Variants in MAD1L1 observed in about 807,000 individuals in gnomAD.
MAD1L1 encodes mitotic arrest deficient 1 like 1.
In MAD1L1, 95 loss-of-function variants were observed where a neutral mutation model predicts 96.9. That is an observed-to-expected ratio of 0.98 (90% CI 0.83 to 1.16). MAD1L1 has a LOEUF of 1.16. Ranked by LOEUF, MAD1L1 falls within the 50% of genes most tolerant of loss-of-function variation. The pLI is 0.00. For missense variants in MAD1L1, 1,007 were observed against 954.4 expected (o/e 1.06, Z -0.73); for synonymous variants, 473 against 396.6 (o/e 1.19, Z -2.29).
Position 1,865,275 on chromosome 7 carries a change from A to G in MAD1L1, c.1998+32925T>C, listed in dbSNP as rs184346993. 6.5e-3 allele frequency among the ~76,000 whole-genome samples: 980 copies of G among 151,824 alleles called. 9 individuals carry two copies. Among genetic ancestry groups the G allele is most frequent in the African/African-American group, 0.022 (929 of 41,402 alleles). On this transcript the variant is annotated intron_variant, in intron 18 of 18. Transcript: ENST00000265854. ...ACAGTGGCTCCTCCTTGGGGAAAGA[A>G]GGGCCAGAGAGAAGCTCTTGGGGGT... is the stretch of plus-strand genomic sequence containing the variant.
At chr7:2,028,516 T>G (rs574190925) in intron 12 of MAD1L1, among the ~76,000 whole-genome samples, 4 of 152,142 alleles carry the variant, frequency 2.6e-5, no homozygotes, top group African/African-American at 9.6e-5. Context: ...CAGATGTCAT[T>G]TAATCAATGC....
intron 10 of MAD1L1, among the ~76,000 whole-genome samples, chr7:2,203,954 C>A (rs1014168622): frequency 1.3e-5 from 2 of 152,196 alleles, no homozygotes; most frequent in Non-Finnish European, 2.9e-5. Flanking sequence ...ACACAGGGCA[C>A]CCAGCCCTGA....
chr7:2,005,912 T>C (rs1012649070), intron 13 of MAD1L1, among the ~76,000 whole-genome samples: 1 of 151,800 alleles, frequency 6.6e-6, no homozygotes, highest in African/African-American at 2.4e-5. Flanking sequence ...GAGTCAGAGG[T>C]GACTCCAGGC....
At chr7:1,951,537 G>C (rs1779495709) in intron 16 of MAD1L1, among the ~76,000 whole-genome samples, 1 of 152,190 alleles carries the variant, frequency 6.6e-6, no homozygotes. Flanking sequence ...CCCATTCCCA[G>C]AGCTTCCTCA....
At chr7:2,010,115 A>G (rs1782228396) in intron 13 of MAD1L1, among the ~76,000 whole-genome samples, 1 of 131,474 alleles carries the variant, frequency 7.6e-6, no homozygotes, top group Admixed American at 9.0e-5. Flanking sequence ...TGCTTCGTAC[A>G]GTACAGTCAT....
intron 9 of MAD1L1, among the ~76,000 whole-genome samples, chr7:2,214,955 G>T (rs947341659): frequency 4.6e-5 from 7 of 152,130 alleles, no homozygotes; most frequent in African/African-American, 1.7e-4. Context: ...AAATTGGTGC[G>T]GCACAGAGGC....
intron 18 of MAD1L1, among the ~76,000 whole-genome samples, chr7:1,836,991 T>A (rs923521776): frequency 2.4e-4 from 36 of 152,214 alleles, no homozygotes; most frequent in Admixed American, 1.3e-3. Context: ...ATTAGAAATG[T>A]CTGCTCTTCA....
At chr7:2,223,061 C>T (rs1290523880) in intron 4 of MAD1L1, among the ~76,000 whole-genome samples, 4 of 152,192 alleles carry the variant, frequency 2.6e-5, no homozygotes, top group Admixed American at 2.6e-4. Context: ...GGAGAGGGGG[C>T]ATGGGAAATC....
At position 2,146,765 on chromosome 7, in the gene MAD1L1, C is replaced by A. The variant is rs1488847003; in HGVS notation, c.1073+2387G>T. Among the ~76,000 whole-genome samples, 1 of 152,234 alleles carries A rather than the reference C, an allele frequency of 6.6e-6. No individual in the cohort carries two copies. The highest frequency in any genetic ancestry group is 1.5e-5 in the Non-Finnish European group (1 of 68,046). ...TCTGCCATGCCGCCTCCTTCACGCT[C>A]ATCTGAATTTCTGTCCAACTGCCTG... On this transcript the variant is annotated intron_variant, in intron 11 of 18. Transcript: ENST00000265854. The surrounding 1 kb of genome is among the most constrained non-coding windows in gnomAD (Gnocchi z 6.2).
chr7:1,871,122 C>T (rs1464621947), intron 18 of MAD1L1, among the ~76,000 whole-genome samples: 9 of 147,602 alleles, frequency 6.1e-5, no homozygotes, highest in Non-Finnish European at 1.2e-4. Context: ...ACCTGCCACA[C>T]TGAACCCAAC....
chr7:2,194,925 C>T (rs533363480), intron 10 of MAD1L1, among the ~76,000 whole-genome samples: 64 of 151,882 alleles, frequency 4.2e-4, no homozygotes, highest in Non-Finnish European at 8.5e-4. Context: ...AAAACAAATA[C>T]AATAATACAA....
intron 12 of MAD1L1, among the ~76,000 whole-genome samples, chr7:2,051,850 C>G (rs1020240115): frequency 4.0e-5 from 6 of 151,484 alleles, no homozygotes; most frequent in Non-Finnish European, 7.4e-5. Flanking sequence ...GAGGGCTCCT[C>G]AGAGCCATGG....
intron 13 of MAD1L1, among the ~76,000 whole-genome samples, chr7:2,006,381 G>C (rs1782030635): frequency 6.6e-6 from 1 of 152,194 alleles, no homozygotes; most frequent in African/African-American, 2.4e-5. Flanking sequence ...ATGCGTGCCT[G>C]TCCTGGGCCT....
intron 10 of MAD1L1, among the ~76,000 whole-genome samples, chr7:2,187,407 C>T (rs566458893): frequency 7.8e-4 from 119 of 152,256 alleles, no homozygotes; most frequent in African/African-American, 2.7e-3. Context: ...TCTAACTGTG[C>T]TGACATTTGA....
intron 10 of MAD1L1, among the ~76,000 whole-genome samples, chr7:2,199,507 T>C (rs1792169353): frequency 6.6e-6 from 1 of 152,254 alleles, no homozygotes; most frequent in African/African-American, 2.4e-5. Context: ...GAACACTTTC[T>C]TTAAATCATT....
intron 11 of MAD1L1, among the ~76,000 whole-genome samples, chr7:2,100,779 C>A (rs1331321296): frequency 6.6e-6 from 1 of 152,208 alleles, no homozygotes; most frequent in Non-Finnish European, 1.5e-5. Context: ...ATTAAGCTGG[C>A]CCTGAAGGGG....
chr7:1,855,375 AGT>A (rs968320138), intron 18 of MAD1L1, among the ~76,000 whole-genome samples: 5 of 151,910 alleles, frequency 3.3e-5, no homozygotes, highest in African/African-American at 7.3e-5. Context: ...CAGGTGCTTA[AGT>A]TCCGCTTCCT....
intron 3 of MAD1L1, among the ~76,000 whole-genome samples, chr7:2,229,200 C>A (rs890141440): frequency 6.6e-6 from 1 of 152,132 alleles, no homozygotes; most frequent in Non-Finnish European, 1.5e-5. Context: ...CTCTGGGGAC[C>A]GCAGCAGGGA....
intron 16 of MAD1L1, among the ~76,000 whole-genome samples, chr7:1,949,139 CG>C (rs1004784541): frequency 6.6e-6 from 1 of 151,660 alleles, no homozygotes; most frequent in African/African-American, 2.4e-5. Flanking sequence ...AGGAGGGGCC[CG>C]GGGCACGGCC....
Sources: gnomAD v4.1 joint callset for allele counts (sites outside exome capture counted in the v4.1 genomes callset) on GRCh38, gnomAD v4.1.1 for gene constraint, Gnocchi (gnomAD v3.1) non-coding constraint, MANE v1.5 for transcripts, NCBI Gene and HGNC (gene_info 2026-07-23, HGNC 2026-07-21) for gene names.